The following EML6 variants were observed in gnomAD, a reference collection of about 807,000 sequenced individuals.
EML6 encodes the protein echinoderm microtubule-associated protein-like 6.
A neutral mutation model predicts 240.1 loss-of-function variants in EML6; 154 were observed. That is an observed-to-expected ratio of 0.64 (90% CI 0.56 to 0.73). The LOEUF is 0.73. EML6 is among the 30% of genes least tolerant of loss of function. The pLI is 0.00. For missense variants in EML6, 2,964 were observed against 2,474.6 expected (o/e 1.20, Z -4.20); for synonymous variants, 1,148 against 899.0 (o/e 1.28, Z -4.95).
rs531851910 is a variant in EML6 at position 54,928,402 on chromosome 2, G to T, written c.3765G>T (p.Thr1255=). The T allele has an allele frequency of 6.4e-7, 1 of 1,551,588 alleles. No individual in the cohort carries two copies. Among genetic ancestry groups the T allele is most frequent in the Non-Finnish European group, 8.7e-7 (1 of 1,146,910 alleles). Residue 1255 remains threonine, a synonymous_variant, in exon 27 of 42, where the codon ACG becomes ACT. Coordinates refer to ENST00000356458, the MANE Select transcript of EML6 (RefSeq NM_001039753.4). ...RWLHNDSVLL[T]VGGADTALMI... ...TGCACAATGACTCTGTGCTGCTCAC[G>T]GTGGGCGGCGCCGACACAGCCCTGA...
rs1673946801 is a variant in EML6 at position 54,916,928 on chromosome 2, C to T, written c.3668C>T (p.Pro1223Leu). Residue 1223 changes from proline (P) to leucine (L), a missense_variant, in exon 26 of 42, where the codon CCT (proline) becomes CTT (leucine). By Grantham distance (98) the Pro-to-Leu change is moderately conservative. Transcript: ENST00000356458. ...DFGFVKLFSYPVKGQHARFKK... is the reference protein window; with the variant it reads ...DFGFVKLFSYLVKGQHARFKK... ...GGTTTCGTTAAGCTTTTTTCATATC[C>T]TGTCAAGGTAATATTGCGTGTTTAT... 4 of 1,537,894 alleles carry T rather than the reference C, an allele frequency of 2.6e-6. No individual in the cohort carries two copies. The highest frequency in any genetic ancestry group is 2.6e-6 in the Non-Finnish European group (3 of 1,135,364).
chr2:54,739,284 A>T (rs1485328487), intron 2 of EML6, among the ~76,000 whole-genome samples: 1 of 152,178 alleles, frequency 6.6e-6, no homozygotes, highest in Non-Finnish European at 1.5e-5. Context: ...GATGTTTGAG[A>T]TATCTGCAAC....
intron 2 of EML6, among the ~76,000 whole-genome samples, chr2:54,807,853 T>G (rs1670579549): frequency 6.6e-6 from 1 of 152,252 alleles, no homozygotes; most frequent in South Asian, 2.1e-4. Flanking sequence ...CTAAGCTGGC[T>G]CCAATCATGC....
At chr2:54,849,229 T>C (rs986089443) in intron 9 of EML6, among the ~76,000 whole-genome samples, 16 of 152,230 alleles carry the variant, frequency 1.1e-4, no homozygotes, top group African/African-American at 3.1e-4. Flanking sequence ...ATCAGTGTAA[T>C]TGGGCTATCC....
At chr2:54,897,437 T>A (rs1243372061) in intron 21 of EML6, among the ~76,000 whole-genome samples, 2 of 152,352 alleles carry the variant, frequency 1.3e-5, no homozygotes, top group East Asian at 3.9e-4. Flanking sequence ...ACAGATTGGC[T>A]CTGTTACATT....
At chr2:54,757,506 A>G (rs1667788204) in intron 2 of EML6, among the ~76,000 whole-genome samples, 1 of 128,386 alleles carries the variant, frequency 7.8e-6, no homozygotes, top group Non-Finnish European at 1.8e-5. Flanking sequence ...CCTGGTGGCA[A>G]GTGTTCCAGG....
At chr2:54,927,482 T>C (rs1325968242) in intron 26 of EML6, among the ~76,000 whole-genome samples, 1 of 151,860 alleles carries the variant, frequency 6.6e-6, no homozygotes. Flanking sequence ...TCCCTCGGAG[T>C]CGCTGAGAGG....
chr2:54,819,138 C>G (rs1379285305), intron 4 of EML6, among the ~76,000 whole-genome samples: 1 of 152,108 alleles, frequency 6.6e-6, no homozygotes, highest in Non-Finnish European at 1.5e-5. Context: ...AGTGATCTTT[C>G]TGGGGACCAT....
intron 2 of EML6, among the ~76,000 whole-genome samples, chr2:54,756,178 C>G (rs1007452289): frequency 6.6e-6 from 1 of 152,016 alleles, no homozygotes; most frequent in Non-Finnish European, 1.5e-5. Flanking sequence ...GGTAAATGCC[C>G]CAAGGAGGCA....
At chr2:54,838,814 CA>C (rs1669288877) in intron 7 of EML6, among the ~76,000 whole-genome samples, 1 of 152,146 alleles carries the variant, frequency 6.6e-6, no homozygotes, top group Admixed American at 6.5e-5. Flanking sequence ...GTATGGTGTC[CA>C]AATGTGGACA....
Position 54,741,727 on chromosome 2 carries a change from A to T in EML6, c.197+16469A>T, listed in dbSNP as rs1292414598. On this transcript the variant is annotated intron_variant, in intron 2 of 41. Transcript: ENST00000356458. ...ATGACATGAGAGCCAGCTTGAAGGG[A>T]CTTCCATTGGCGACATCTGGGATAA... Among the ~76,000 whole-genome samples the T allele has an allele frequency of 3.9e-5, 6 of 152,348 alleles. No homozygotes were observed. The East Asian group carries it at 1.2e-3, about 29-fold the overall frequency.
In EML6 at chr2:54,867,585, C is replaced by T. The variant is rs1483548481; in HGVS notation, c.2051+701C>T. 5 of 152,132 alleles carry T rather than the reference C, an allele frequency of 3.3e-5. No individual in the cohort carries two copies. In the East Asian group the frequency reaches 7.7e-4, roughly 24 times the overall value. 9.4% of individuals were successfully genotyped at this position (152,132 alleles called of 1,614,324 possible). A position where few individuals can be genotyped will look rare whatever the true frequency, so the allele number is the denominator to read the frequency against. On this transcript the variant is annotated intron_variant, in intron 14 of 41. Transcript: ENST00000356458. ...AGTTCGAGACATGGTGAAATCTCAT[C>T]TCTACAAAAAACTAGCCAGATGTGG...
rs1252112540 is a variant in EML6 at position 54,969,985 on chromosome 2, T to G, written c.5853-86T>G. The stretch of plus-strand genomic sequence containing the variant: ...CAATACATCACCCGAGCTTGACTTT[T>G]GAGCACTTGGCAAGATTGTTTTTTG... On this transcript the variant is annotated intron_variant, in intron 41 of 41. Transcript: ENST00000356458. The G allele has an allele frequency of 2.1e-6, 3 of 1,428,086 alleles. No individual in the cohort carries two copies. The African/African-American group carries it at 4.3e-5, about 20-fold the overall frequency. The allele number at this position is 1,428,086 out of a possible 1,614,324, so 88.5% of individuals were successfully genotyped here. A position where few individuals can be genotyped will look rare whatever the true frequency, so the allele number is the denominator to read the frequency against.
intron 8 of EML6, among the ~76,000 whole-genome samples, chr2:54,846,194 C>CT (rs1447877679): frequency 2.0e-5 from 3 of 151,992 alleles, no homozygotes; most frequent in African/African-American, 7.3e-5. Flanking sequence ...ACTTGGGCGC[C>CT]CAGGGAAGCT....
At position 54,970,831 on chromosome 2, in the gene EML6, AG is replaced by A. The variant is rs1558739090; in HGVS notation, c.*738del. ...TCACCCTTGTCCTGTGTTCACGCCAAGGCTTCCTAAATGAAAGACATCGGTT... is the reference window on the plus strand; with the variant it reads ...TCACCCTTGTCCTGTGTTCACGCCAAGCTTCCTAAATGAAAGACATCGGTT... On this transcript the variant is annotated 3_prime_UTR_variant, in exon 42 of 42. Transcript: ENST00000356458. The A allele has an allele frequency of 6.6e-6, 1 of 152,172 alleles. No homozygotes were observed. The highest frequency in any genetic ancestry group is 2.4e-5 in the African/African-American group (1 of 41,434). The allele number at this position is 152,172 out of a possible 1,614,324, so 9.4% of individuals were successfully genotyped here.
intron 22 of EML6, among the ~76,000 whole-genome samples, chr2:54,901,654 C>A (rs1029640560): frequency 1.3e-5 from 2 of 152,210 alleles, no homozygotes; most frequent in Admixed American, 6.5e-5. Flanking sequence ...CTTGATGATG[C>A]TCTTCAAGGG....
chr2:54,757,481 G>A (rs1431775872), intron 2 of EML6, among the ~76,000 whole-genome samples: 1 of 151,252 alleles, frequency 6.6e-6, no homozygotes, highest in African/African-American at 2.4e-5. Flanking sequence ...GGGTGACCGT[G>A]GGGTATGCAG....
intron 2 of EML6, among the ~76,000 whole-genome samples, chr2:54,802,659 A>ACTG (rs1417454094): frequency 8.0e-4 from 117 of 146,784 alleles, no homozygotes; most frequent in African/African-American, 2.1e-3. Flanking sequence ...TACTACTACT[A>ACTG]CTACTACTGC....
intron 4 of EML6, among the ~76,000 whole-genome samples, chr2:54,819,269 T>G (rs1201479024): frequency 1.3e-5 from 2 of 152,182 alleles, no homozygotes; most frequent in African/African-American, 4.8e-5. Flanking sequence ...GTTCCATGGA[T>G]CTACCTCCAT....
Sources: gnomAD v4.1 joint callset for allele counts (sites outside exome capture counted in the v4.1 genomes callset) on GRCh38, gnomAD v4.1.1 for gene constraint, MANE v1.5 for transcripts, NCBI Gene and HGNC (gene_info 2026-07-23, HGNC 2026-07-21) for gene names.